Variants in SLC8A1 observed in about 807,000 individuals in gnomAD.
The protein encoded by SLC8A1 is solute carrier family 8 member A1, also known as sodium/calcium exchanger 1.
SLC8A1 carries 18 observed loss-of-function variants against 68.3 expected under a neutral mutation model. That is an observed-to-expected ratio of 0.26 (90% CI 0.18 to 0.39). The LOEUF (loss-of-function observed/expected upper bound fraction) is 0.39. Among genes scored for constraint, SLC8A1 ranks in the 10% least tolerant of loss-of-function variants. The probability of loss-of-function intolerance (pLI) is 1.00; values close to 1 mark genes in which losing one functional copy is unlikely to be tolerated. For missense variants in SLC8A1, 985 were observed against 1,156.7 expected (o/e 0.85, Z 2.15); for synonymous variants, 475 against 415.5 (o/e 1.14, Z -1.74).
chr2:40,418,645 C>A (rs919654640), intron 2 of SLC8A1, among the ~76,000 whole-genome samples: 2 of 152,214 alleles, frequency 1.3e-5, no homozygotes, highest in African/African-American at 4.8e-5. Flanking sequence ...GTAACACATG[C>A]TTCCCCTAGT....
At chr2:40,144,296 T>G (rs1346176124) in intron 6 of SLC8A1, among the ~76,000 whole-genome samples, 1 of 152,216 alleles carries the variant, frequency 6.6e-6, no homozygotes, top group Non-Finnish European at 1.5e-5. Context: ...ATACCTGATC[T>G]TATTTCATCC....
chr2:40,248,704 G>T (rs571710298), intron 2 of SLC8A1, among the ~76,000 whole-genome samples: 1 of 151,818 alleles, frequency 6.6e-6, no homozygotes, highest in Admixed American at 6.6e-5. Flanking sequence ...TCCCCTTTCC[G>T]TGATCTATAG....
At chr2:40,124,284 C>T (rs973030808) in intron 7 of SLC8A1, among the ~76,000 whole-genome samples, 4 of 152,228 alleles carry the variant, frequency 2.6e-5, no homozygotes, top group Admixed American at 1.3e-4. Flanking sequence ...GACAATACAC[C>T]GAAGATGCCC....
At chr2:40,374,051 T>C (rs1231789503) in intron 2 of SLC8A1, among the ~76,000 whole-genome samples, 1 of 152,130 alleles carries the variant, frequency 6.6e-6, no homozygotes. Context: ...AGGTAAAGTT[T>C]GGACTTTTCC....
intron 2 of SLC8A1, among the ~76,000 whole-genome samples, chr2:40,347,244 T>A (rs1319674577): frequency 6.6e-6 from 1 of 152,186 alleles, no homozygotes; most frequent in Non-Finnish European, 1.5e-5. Flanking sequence ...AAACGATCGT[T>A]CCAACCTTGG....
intron 2 of SLC8A1, among the ~76,000 whole-genome samples, chr2:40,319,707 C>T (rs1432377313): frequency 6.6e-6 from 1 of 152,042 alleles, no homozygotes; most frequent in Admixed American, 6.6e-5. Context: ...CTCCATTAGC[C>T]ATCATTCTGC....
chr2:40,361,957 G>C (rs1478200187), intron 2 of SLC8A1, among the ~76,000 whole-genome samples: 2 of 119,516 alleles, frequency 1.7e-5, no homozygotes, highest in Non-Finnish European at 3.2e-5. Context: ...CAGGAGTGCA[G>C]TGGCACAATC....
intron 2 of SLC8A1, among the ~76,000 whole-genome samples, chr2:40,204,760 A>G (rs1465244023): frequency 6.6e-6 from 1 of 152,044 alleles, no homozygotes; most frequent in Non-Finnish European, 1.5e-5. Flanking sequence ...TATATCCAAC[A>G]TATCATAATC....
At chr2:40,116,631 G>C (rs767590321) in intron 7 of SLC8A1, among the ~76,000 whole-genome samples, 2 of 151,594 alleles carry the variant, frequency 1.3e-5, no homozygotes, top group Non-Finnish European at 2.9e-5. Context: ...GAGGCTTAGA[G>C]ATGACAAGTA....
chr2:40,183,819 G>C (rs1016486042), intron 2 of SLC8A1, among the ~76,000 whole-genome samples: 3 of 152,144 alleles, frequency 2.0e-5, no homozygotes, highest in Non-Finnish European at 4.4e-5. Context: ...CTCCAGATCA[G>C]TTAAATCAAA....
chr2:40,170,193 G>C, intron 4 of SLC8A1, 88 bp downstream of exon 7: 1 of 1,141,572 alleles, frequency 8.8e-7, no homozygotes, highest in African/African-American at 1.5e-5. Context: ...TTACAGAGGA[G>C]AGGGGCTAAA....
intron 4 of SLC8A1, among the ~76,000 whole-genome samples, 189 bp from the exon 8 acceptor site, chr2:40,165,173 G>C (rs434725): frequency 0.93 from 142,006 of 152,264 alleles, 66,263 homozygotes; most frequent in South Asian, 0.96. Context: ...ATCACTGTGA[G>C]AGCAAGTGAT....
chr2:40,379,056 G>T (rs903608963), intron 2 of SLC8A1, among the ~76,000 whole-genome samples: 3 of 152,010 alleles, frequency 2.0e-5, no homozygotes, highest in Admixed American at 1.3e-4. Flanking sequence ...CTGTTTTACC[G>T]CCAGTTTCCA....
intron 2 of SLC8A1, among the ~76,000 whole-genome samples, chr2:40,212,366 C>T (rs1318720636): frequency 6.8e-6 from 1 of 146,690 alleles, no homozygotes; most frequent in Non-Finnish European, 1.5e-5. Flanking sequence ...CTCACTGCAA[C>T]CTCTGCCTCC....
intron 2 of SLC8A1, among the ~76,000 whole-genome samples, chr2:40,277,786 ATATG>A (rs1166212334): frequency 4.5e-5 from 4 of 87,956 alleles, no homozygotes; most frequent in African/African-American, 2.2e-4. Context: ...AAATATATAT[ATATG>A]TGTGTATATA....
chr2:40,188,812 C>T (rs1306280399), intron 2 of SLC8A1, among the ~76,000 whole-genome samples: 1 of 152,176 alleles, frequency 6.6e-6, no homozygotes, highest in Non-Finnish European at 1.5e-5. Context: ...TCCCTGGCCA[C>T]AAAATGCACA....
At chr2:40,105,817 G>A (rs1002484220) in exon 8 of SLC8A1, 3 of 152,224 alleles carry the variant, frequency 2.0e-5, no homozygotes, top group African/African-American at 7.2e-5. Context: ...CTGAGGTTGT[G>A]GTATGGCCCC....
chr2:40,253,545 G>C (rs140542568), intron 2 of SLC8A1, among the ~76,000 whole-genome samples: 6 of 152,138 alleles, frequency 3.9e-5, no homozygotes, highest in Admixed American at 6.5e-5. Context: ...AGGCTAAAGG[G>C]CCTGGCGCGG....
At chr2:40,376,326 G>T (rs189630501) in intron 2 of SLC8A1, among the ~76,000 whole-genome samples, 11 of 152,150 alleles carry the variant, frequency 7.2e-5, no homozygotes, top group Admixed American at 3.3e-4. Context: ...AAATAATCAT[G>T]GTCACCTGGG....
Sources: gnomAD v4.1 joint callset for allele counts (sites outside exome capture counted in the v4.1 genomes callset) on GRCh38, gnomAD v4.1.1 for gene constraint, MANE v1.5 for transcripts, NCBI Gene and HGNC (gene_info 2026-07-23, HGNC 2026-07-21) for gene names.